Variants in ARMC9 observed in about 807,000 individuals in gnomAD.
ARMC9 encodes the protein armadillo repeat containing 9, also known as lisH domain-containing protein ARMC9.
A neutral mutation model predicts 107.0 loss-of-function variants in ARMC9; 94 were observed. That is an observed-to-expected ratio of 0.88 (90% CI 0.74 to 1.04). ARMC9 has a LOEUF of 1.04. ARMC9 is among the 50% of genes least tolerant of loss of function. The pLI, the probability that ARMC9 is intolerant of heterozygous loss-of-function variation, is 0.00. For synonymous variants in ARMC9, 380 were observed against 396.9 expected, an observed-to-expected ratio of 0.96 and a Z score of 0.51; for missense variants, 942 against 1,030.1, an observed-to-expected ratio of 0.91 and a Z score of 1.17.
intron 10 of ARMC9, among the ~76,000 whole-genome samples, chr2:231,256,973 G>A (rs539716573): frequency 6.2e-4 from 94 of 152,206 alleles, no homozygotes; most frequent in Non-Finnish European, 2.8e-4. Flanking sequence ...ACGCCACCAC[G>A]CCCGGCTAAT....
At chr2:231,352,289 A>ATTC (rs1400551089) in intron 21 of ARMC9, among the ~76,000 whole-genome samples, 1 of 149,550 alleles carries the variant, frequency 6.7e-6, no homozygotes. Flanking sequence ...GGAGCCAGTA[A>ATTC]TTCCACTGCT....
intron 21 of ARMC9, among the ~76,000 whole-genome samples, chr2:231,346,419 G>A (rs1253497414): frequency 6.6e-6 from 1 of 152,156 alleles, no homozygotes; most frequent in African/African-American, 2.4e-5. Context: ...TACTCGGGAG[G>A]CTGAGGCAGG....
Position 231,330,969 on chromosome 2 carries a change from C to T in ARMC9, c.1774-824C>T, listed in dbSNP as rs1477578456. 3.9e-5 allele frequency among the ~76,000 whole-genome samples: 6 copies of T among 152,098 alleles called. No homozygotes were observed. The South Asian group carries it at 8.3e-4, about 21-fold the overall frequency. On this transcript the variant is annotated intron_variant, in intron 19 of 24. Coordinates refer to ENST00000611582, the MANE Select transcript of ARMC9 (RefSeq NM_001352754.2). Reference sequence around the variant, plus strand: ...CAACCTGGGTAACCTGGCAAAACCTCGTCTATACAAAAAAATACAAAAAGT... The same window carrying T: ...CAACCTGGGTAACCTGGCAAAACCTTGTCTATACAAAAAAATACAAAAAGT...
intron 11 of ARMC9, among the ~76,000 whole-genome samples, chr2:231,260,926 CT>C (rs1386817591): frequency 6.6e-6 from 1 of 152,170 alleles, no homozygotes; most frequent in East Asian, 1.9e-4. Flanking sequence ...CTTTTTGCCC[CT>C]GCTTCAACCT....
chr2:231,258,636 A>G (rs1393578433), intron 10 of ARMC9, among the ~76,000 whole-genome samples: 1 of 152,214 alleles, frequency 6.6e-6, no homozygotes, highest in African/African-American at 2.4e-5. Flanking sequence ...CCAAAATTCT[A>G]AACAGAACTT....
intron 19 of ARMC9, among the ~76,000 whole-genome samples, chr2:231,316,052 T>C (rs1559451773): frequency 6.6e-6 from 1 of 152,228 alleles, no homozygotes; most frequent in African/African-American, 2.4e-5. Context: ...GCTCGATTTC[T>C]GTTCCTCTTT....
Position 231,317,527 on chromosome 2 carries a change from GTT to G in ARMC9, c.1774-14254_1774-14253del, listed in dbSNP as rs561804646. Among the ~76,000 whole-genome samples the G allele has an allele frequency of 7.0e-5, 10 of 143,330 alleles. No individual in the cohort carries two copies. In the East Asian group the frequency reaches 1.8e-3, roughly 26 times the overall value. 94.0% of individuals were successfully genotyped at this position (143,330 alleles called of 152,430 possible). On this transcript the variant is annotated intron_variant, in intron 19 of 24. Transcript: ENST00000611582. ...TTTTTTTGTGTGTGTTTGTTTTGGG[GTT>G]TTTTTTTTTTTAAACCAAATTTGAG...
At chr2:231,258,535 T>C (rs1443686639) in intron 10 of ARMC9, among the ~76,000 whole-genome samples, 1 of 152,134 alleles carries the variant, frequency 6.6e-6, no homozygotes, top group African/African-American at 2.4e-5. Context: ...ATTCCCCCGG[T>C]CCAGTAGCTC....
At chr2:231,272,598 A>G (rs1040461215) in intron 13 of ARMC9, among the ~76,000 whole-genome samples, 1 of 151,850 alleles carries the variant, frequency 6.6e-6, no homozygotes, top group South Asian at 2.1e-4. Flanking sequence ...GCTCACTGCA[A>G]CCTGCCTCCT....
chr2:231,264,012 GGC>G (rs2038624514), intron 12 of ARMC9, among the ~76,000 whole-genome samples: 2 of 152,110 alleles, frequency 1.3e-5, no homozygotes, highest in South Asian at 4.1e-4. Flanking sequence ...CAGTTTAATT[GGC>G]AGGGGTTTTT....
At chr2:231,220,749 G>C (rs565899298) in intron 5 of ARMC9, among the ~76,000 whole-genome samples, 1 of 152,110 alleles carries the variant, frequency 6.6e-6, no homozygotes, top group South Asian at 2.1e-4. Context: ...AAATAAGAAT[G>C]GTCAAGAAAA....
intron 7 of ARMC9, 129 bp downstream of exon 7, chr2:231,226,927 T>C: frequency 9.0e-7 from 1 of 1,112,620 alleles, no homozygotes; most frequent in Admixed American, 2.2e-5. Flanking sequence ...TATGAAAGGC[T>C]TTGCAGTCAT....
chr2:231,354,081 A>C (rs1163565519), intron 21 of ARMC9, among the ~76,000 whole-genome samples: 1 of 151,432 alleles, frequency 6.6e-6, no homozygotes, highest in African/African-American at 2.4e-5. Flanking sequence ...TCTGCTGGAA[A>C]ACCTTCCCTC....
chr2:231,253,005 A>T (rs1207421562), intron 9 of ARMC9, among the ~76,000 whole-genome samples: 1 of 152,162 alleles, frequency 6.6e-6, no homozygotes, highest in African/African-American at 2.4e-5. Flanking sequence ...CAACAACAGG[A>T]ATAGGTAATT....
intron 5 of ARMC9, among the ~76,000 whole-genome samples, chr2:231,221,502 A>G (rs1475679474): frequency 6.6e-6 from 1 of 152,074 alleles, no homozygotes; most frequent in Non-Finnish European, 1.5e-5. Context: ...GTTATCATGC[A>G]GTATCAGGGA....
intron 19 of ARMC9, among the ~76,000 whole-genome samples, chr2:231,306,030 A>G (rs2042017893): frequency 6.6e-6 from 1 of 152,250 alleles, no homozygotes; most frequent in Non-Finnish European, 1.5e-5. Flanking sequence ...TGACATAGTT[A>G]AATATATTCT....
At chr2:231,302,242 AGAGTTAAT>A (rs1365749113) in intron 19 of ARMC9, among the ~76,000 whole-genome samples, 1 of 151,990 alleles carries the variant, frequency 6.6e-6, no homozygotes, top group Non-Finnish European at 1.5e-5. Flanking sequence ...AAGATTCTGA[AGAGTTAAT>A]GAGTATTTTG....
rs115179589 is a variant in ARMC9, at chr2:231,226,760, C to G, written c.598-14C>G. Reference sequence around the variant, plus strand: ...CCTGAATGCCTGTTTTCCTGAACTTCTTTTTCATCCCAGAAGGAGAATGGA... The same window carrying G: ...CCTGAATGCCTGTTTTCCTGAACTTGTTTTTCATCCCAGAAGGAGAATGGA... On this transcript the variant is annotated splice_polypyrimidine_tract_variant and intron_variant, in intron 6 of 24. Coordinates refer to ENST00000611582, the MANE Select transcript of ARMC9 (RefSeq NM_001352754.2). The G allele has an allele frequency of 0.019, 30,810 of 1,612,880 alleles. 370 individuals are homozygous for G. Among genetic ancestry groups the G allele is most frequent in the Non-Finnish European group, 0.023 (27,232 of 1,178,986 alleles).
chr2:231,371,027 C>T (rs1279826103), intron 24 of ARMC9: 3 of 455,048 alleles, frequency 6.6e-6, no homozygotes, highest in African/African-American at 2.0e-5. Flanking sequence ...TGGGACCCCT[C>T]CCACTTCCCA....
Sources: gnomAD v4.1 joint callset for allele counts (sites outside exome capture counted in the v4.1 genomes callset) on GRCh38, gnomAD v4.1.1 for gene constraint, MANE v1.5 for transcripts, NCBI Gene and HGNC (gene_info 2026-07-23, HGNC 2026-07-21) for gene names.